Variants in NOCT observed in about 807,000 individuals in gnomAD.
NOCT encodes nocturnin.
A neutral mutation model predicts 35.0 loss-of-function variants in NOCT; 18 were observed. The observed-to-expected ratio is 0.51, with a 90% CI of 0.36 to 0.76. NOCT has a LOEUF of 0.76. NOCT is among the 30% of genes least tolerant of loss of function. The probability of loss-of-function intolerance (pLI) is 0.01; values close to 1 mark genes in which losing one functional copy is unlikely to be tolerated. For missense variants in NOCT, 479 were observed against 541.0 expected, an observed-to-expected ratio of 0.89 and a Z score of 1.14; for synonymous variants, 235 against 226.3, an observed-to-expected ratio of 1.04 and a Z score of -0.34.
At position 139,045,509 on chromosome 4, in the gene NOCT, ATT is replaced by A. The variant is rs546346607; in HGVS notation, c.*59_*60del. 8.7e-3 allele frequency: 3,267 copies of A among 375,210 alleles called. 1 individual carries two copies. The highest frequency in any genetic ancestry group is 0.014 in the Middle Eastern group (19 of 1,312). 23.2% of individuals were successfully genotyped at this position (375,210 alleles called of 1,614,324 possible). On this transcript the variant is annotated 3_prime_UTR_variant, in exon 3 of 3. Coordinates refer to ENST00000280614, the MANE Select transcript of NOCT (RefSeq NM_012118.4). Reference sequence around the variant, plus strand: ...TTTGTCTTTTTAATCACAGGAGTCTATTTTTTTTTTTTTTTTTTTTTTTTTGA... The same window carrying A: ...TTTGTCTTTTTAATCACAGGAGTCTATTTTTTTTTTTTTTTTTTTTTTTGA...
chr4:139,043,519 A>ATT, intron 2 of NOCT, 176 bp downstream of exon 2: 1 of 521,988 alleles, frequency 1.9e-6, no homozygotes, highest in South Asian at 3.4e-5. Flanking sequence ...TCTGGTTTTC[A>ATT]CTTTTTTTTT....
intron 1 of NOCT, among the ~76,000 whole-genome samples, chr4:139,036,773 T>TAA (rs113007577): frequency 0.017 from 2,569 of 152,246 alleles, 64 homozygotes; most frequent in African/African-American, 0.057. Context: ...AATAGAGAAA[T>TAA]AAATGTAAAA....
chr4:139,016,999 T>C (rs67025543), intron 1 of NOCT, among the ~76,000 whole-genome samples: 10 of 118,290 alleles, frequency 8.5e-5, no homozygotes, highest in African/African-American at 2.5e-4. Context: ...TTCCACTCTT[T>C]ATAGTTAACA....
At chr4:139,043,713 C>T (rs867849292) in intron 2 of NOCT, 2 of 161,660 alleles carry the variant, frequency 1.2e-5, no homozygotes, top group South Asian at 1.7e-4. Flanking sequence ...GTCAGGAGTT[C>T]GAGACCAGCC....
At chr4:139,042,959 T>A (rs1024670294) in intron 1 of NOCT, 115 bp from the exon 2 acceptor site, 24 of 914,992 alleles carry the variant, frequency 2.6e-5, no homozygotes, top group Middle Eastern at 4.6e-4. Context: ...TACACTATTA[T>A]GGCAACAATT....
intron 1 of NOCT, among the ~76,000 whole-genome samples, chr4:139,039,170 C>CAAAAAAAAAAAAAAAAAAAAAAAAAAAA (rs59445691): frequency 3.3e-5 from 3 of 91,366 alleles, no homozygotes; most frequent in Admixed American, 1.5e-4. Context: ...GACTCCATTT[C>CAAAAAAAAAAAAAAAAAAAAAAAAAAAA]AAAAAAAAAA....
intron 1 of NOCT, among the ~76,000 whole-genome samples, chr4:139,042,536 A>G (rs567231528): frequency 3.3e-5 from 5 of 152,358 alleles, no homozygotes; most frequent in Non-Finnish European, 5.9e-5. Flanking sequence ...ATTGTTAATC[A>G]GAGGCTAGTT....
At chr4:139,016,638 G>GTTTTT (rs1560727604) in intron 1 of NOCT, among the ~76,000 whole-genome samples, 2 of 50,822 alleles carry the variant, frequency 3.9e-5, no homozygotes, top group African/African-American at 6.9e-5. Flanking sequence ...TTCGTTTTAC[G>GTTTTT]TTGTTTTTTT....
At chr4:139,025,791 G>A (rs571804513) in intron 1 of NOCT, among the ~76,000 whole-genome samples, 95 of 144,138 alleles carry the variant, frequency 6.6e-4, no homozygotes, top group African/African-American at 2.2e-3. Context: ...GCAACAGAGC[G>A]AGACTCCGTC....
chr4:139,035,277 T>C (rs1472925101), intron 1 of NOCT, among the ~76,000 whole-genome samples: 4 of 152,094 alleles, frequency 2.6e-5, no homozygotes, highest in African/African-American at 9.7e-5. Context: ...TGCACACCAC[T>C]ACACCTGGTT....
At position 139,044,823 on chromosome 4, in the gene NOCT, G is replaced by A. The variant is rs138904656; in HGVS notation, c.645G>A (p.Thr215=). The A allele has an allele frequency of 0.015, 23,805 of 1,614,152 alleles. 282 individuals carry two copies. The highest frequency in any genetic ancestry group is 0.037 in the South Asian group (3,369 of 91,072). Reference sequence around the variant, plus strand: ...TCAGTAGACTAGGCTATCAAGGCACGTTTTTCCCCAAACCCTGGTCACCTT... The same window carrying A: ...TCAGTAGACTAGGCTATCAAGGCACATTTTTCCCCAAACCCTGGTCACCTT... ...PLLSRLGYQG[T]FFPKPWSPCL... Residue 215 remains threonine, a synonymous_variant, in exon 3 of 3, where the codon ACG becomes ACA. Coordinates refer to ENST00000280614, the MANE Select transcript of NOCT (RefSeq NM_012118.4).
At position 139,045,509 on chromosome 4, in the gene NOCT, A is replaced by ATTGTTTTT. The variant is rs1726919948; in HGVS notation, c.*37_*38insGTTTTTTT. The ATTGTTTTT allele has an allele frequency of 3.5e-6, 1 of 289,550 alleles. No individual in the cohort carries two copies. Among genetic ancestry groups the ATTGTTTTT allele is most frequent in the African/African-American group, 3.9e-5 (1 of 25,706 alleles). 17.9% of individuals were successfully genotyped at this position (289,550 alleles called of 1,614,324 possible). On this transcript the variant is annotated 3_prime_UTR_variant, in exon 3 of 3. Coordinates refer to ENST00000280614, the MANE Select transcript of NOCT (RefSeq NM_012118.4). Reference sequence around the variant, plus strand: ...TTTGTCTTTTTAATCACAGGAGTCTATTTTTTTTTTTTTTTTTTTTTTTTT... The same window carrying ATTGTTTTT: ...TTTGTCTTTTTAATCACAGGAGTCTATTGTTTTTTTTTTTTTTTTTTTTTTTTTTTTTT...
At chr4:139,034,851 G>A (rs1726700940) in intron 1 of NOCT, among the ~76,000 whole-genome samples, 1 of 152,116 alleles carries the variant, frequency 6.6e-6, no homozygotes, top group Non-Finnish European at 1.5e-5. Flanking sequence ...GTGAGCCACT[G>A]TGCCCGGCTC....
chr4:139,025,012 A>G (rs1726486036), intron 1 of NOCT, among the ~76,000 whole-genome samples: 2 of 152,204 alleles, frequency 1.3e-5, no homozygotes, highest in South Asian at 2.1e-4. Flanking sequence ...TGTCAAAGAA[A>G]GGAGGGTTTC....
Position 139,015,930 on chromosome 4 carries a change from C to A in NOCT, c.-52C>A, listed in dbSNP as rs917235888. On this transcript the variant is annotated 5_prime_UTR_variant, in exon 1 of 3. Coordinates refer to ENST00000280614, the MANE Select transcript of NOCT (RefSeq NM_012118.4). ...TCGACTCGGTGCCCTCGGCCCCAGC[C>A]GGGCTCCGCTCCTCGGGCGCGCGAG... 1.0e-5 allele frequency: 13 copies of A among 1,282,332 alleles called. No individual in the cohort carries two copies. The East Asian group carries it at 3.9e-4, about 39-fold the overall frequency. The allele number at this position is 1,282,332 out of a possible 1,614,324, so 79.4% of individuals were successfully genotyped here. A position where few individuals can be genotyped will look rare whatever the true frequency, so the allele number is the denominator to read the frequency against.
At chr4:139,038,999 G>A (rs1049821365) in intron 1 of NOCT, among the ~76,000 whole-genome samples, 9 of 152,008 alleles carry the variant, frequency 5.9e-5, no homozygotes, top group Non-Finnish European at 1.3e-4. Context: ...TAATGTATTC[G>A]TGAGTGTGTG....
chr4:139,024,626 C>G (rs1463804094), intron 1 of NOCT, among the ~76,000 whole-genome samples: 2 of 151,758 alleles, frequency 1.3e-5, no homozygotes, highest in Non-Finnish European at 2.9e-5. Flanking sequence ...GGGTCTCGCT[C>G]TGTCACTCAG....
intron 1 of NOCT, among the ~76,000 whole-genome samples, chr4:139,026,921 G>A (rs145787258): frequency 0.11 from 144 of 1,272 alleles, no homozygotes; most frequent in East Asian, 0.3. Flanking sequence ...TGTCGCCCAG[G>A]CTGGAGTGCA....
rs759058033 is a variant in NOCT at position 139,045,006 on chromosome 4, A to G, written c.828A>G (p.Ser276=). The G allele has an allele frequency of 8.1e-6, 13 of 1,614,242 alleles. No homozygotes were observed. Among genetic ancestry groups the G allele is most frequent in the Non-Finnish European group, 1.1e-5 (13 of 1,180,040 alleles). ...AIAQTLECKE[S]GRQFCIAVTH... Reference sequence around the variant, plus strand: ...CACAGACCCTGGAGTGCAAGGAGTCAGGCCGACAGTTCTGCATCGCTGTTA... The same window carrying G: ...CACAGACCCTGGAGTGCAAGGAGTCGGGCCGACAGTTCTGCATCGCTGTTA... The change falls in exon 3 of 3, where the codon TCA becomes TCG. Residue 276 remains serine, a synonymous_variant. Coordinates refer to ENST00000280614, the MANE Select transcript of NOCT (RefSeq NM_012118.4).
Sources: gnomAD v4.1 joint callset for allele counts (sites outside exome capture counted in the v4.1 genomes callset) on GRCh38, gnomAD v4.1.1 for gene constraint, MANE v1.5 for transcripts, NCBI Gene and HGNC (gene_info 2026-07-23, HGNC 2026-07-21) for gene names.